Variants in NEGR1 observed in about 807,000 individuals in gnomAD.
NEGR1 encodes the protein IgLON family member 4.
NEGR1 carries 10 observed loss-of-function variants against 40.9 expected under a neutral mutation model. The ratio of observed to expected loss-of-function variants is 0.24; its 90% CI spans 0.15 to 0.42. NEGR1 has a LOEUF of 0.42. NEGR1 is among the 10% of genes least tolerant of loss of function. The pLI is 1.00. For missense variants in NEGR1, 352 were observed against 438.9 expected, an observed-to-expected ratio of 0.80 and a Z score of 1.77; for synonymous variants, 185 against 166.8, an observed-to-expected ratio of 1.11 and a Z score of -0.84.
Position 72,266,724 on chromosome 1 carries a change from A to AACACACACAC in NEGR1, c.176+15585_176+15594dup, listed in dbSNP as rs3082237. Among the ~76,000 whole-genome samples, 823 of 133,778 alleles carry AACACACACAC rather than the reference A, an allele frequency of 6.2e-3. 5 individuals are homozygous for AACACACACAC. The highest frequency in any genetic ancestry group is 0.016 in the African/African-American group (608 of 36,864). The allele number at this position is 133,778 out of a possible 152,430, so 87.8% of individuals were successfully genotyped here. A position where few individuals can be genotyped will look rare whatever the true frequency, so the allele number is the denominator to read the frequency against. The stretch of plus-strand genomic sequence containing the variant: ...GTGTGTATATATATATAGACAGATA[A>AACACACACAC]ACACACACACACACACACACACACA... On this transcript the variant is annotated intron_variant, in intron 1 of 6. Transcript: ENST00000357731.
At chr1:72,277,489 G>T (rs1656097551) in intron 1 of NEGR1, among the ~76,000 whole-genome samples, 1 of 151,770 alleles carries the variant, frequency 6.6e-6, no homozygotes, top group South Asian at 2.1e-4. Flanking sequence ...AAAAAGATCG[G>T]GCAAAATACA....
intron 1 of NEGR1, among the ~76,000 whole-genome samples, chr1:72,261,532 C>G (rs967854177): frequency 6.6e-5 from 10 of 152,140 alleles, no homozygotes; most frequent in African/African-American, 2.4e-4. Flanking sequence ...TACTGAAAGG[C>G]CTTGTAATTA....
chr1:71,807,082 G>A (rs571244572), intron 2 of NEGR1, among the ~76,000 whole-genome samples: 2 of 151,662 alleles, frequency 1.3e-5, no homozygotes, highest in Admixed American at 1.3e-4. Flanking sequence ...ATTTTTAGTA[G>A]AGACAGGGTT....
At chr1:71,961,629 A>C (rs1401587483) in intron 1 of NEGR1, among the ~76,000 whole-genome samples, 1 of 152,128 alleles carries the variant, frequency 6.6e-6, no homozygotes, top group Admixed American at 6.6e-5. Context: ...CACAATAAAA[A>C]GAGTCATGGG....
chr1:72,166,864 G>GTATA (rs534305128), intron 1 of NEGR1, among the ~76,000 whole-genome samples: 1 of 151,552 alleles, frequency 6.6e-6, no homozygotes, highest in Non-Finnish European at 1.5e-5. Flanking sequence ...TAGTATTTGT[G>GTATA]TATATATATA....
At chr1:72,163,131 A>G (rs1221722829) in intron 1 of NEGR1, among the ~76,000 whole-genome samples, 1 of 152,176 alleles carries the variant, frequency 6.6e-6, no homozygotes, top group Non-Finnish European at 1.5e-5. Flanking sequence ...GAGATTCACT[A>G]AATTGTTGCA....
intron 2 of NEGR1, among the ~76,000 whole-genome samples, chr1:71,908,550 T>C (rs1407318910): frequency 1.3e-5 from 2 of 152,004 alleles, no homozygotes; most frequent in Admixed American, 6.6e-5. Flanking sequence ...AATCAAAAGG[T>C]TGAAGAAAGG....
rs560893680 is a variant in NEGR1, at chr1:71,589,140, A to G, written c.940+3677T>C. On this transcript the variant is annotated intron_variant, in intron 6 of 6. Coordinates refer to ENST00000357731, the MANE Select transcript of NEGR1 (RefSeq NM_173808.3). ...GTAACTAACTGCCCAAATGTCAGAG[A>G]CAGTGGTTGATTTTCAGATGTTCCC... Among the ~76,000 whole-genome samples the G allele has an allele frequency of 2.6e-5, 4 of 152,256 alleles. No individual in the cohort carries two copies. In the East Asian group the frequency reaches 7.8e-4, roughly 30 times the overall value.
At chr1:72,172,612 G>A (rs188648041) in intron 1 of NEGR1, among the ~76,000 whole-genome samples, 16 of 152,204 alleles carry the variant, frequency 1.1e-4, no homozygotes, top group East Asian at 1.9e-4. Context: ...TATTGTAATC[G>A]TTTCCTGTTG....
chr1:71,664,630 T>C (rs1652177737), intron 4 of NEGR1, among the ~76,000 whole-genome samples: 1 of 152,154 alleles, frequency 6.6e-6, no homozygotes, highest in Non-Finnish European at 1.5e-5. Context: ...TTAAATTTGG[T>C]TTGAACAGAA....
chr1:71,991,209 T>G (rs901215137), intron 1 of NEGR1, among the ~76,000 whole-genome samples: 1 of 152,168 alleles, frequency 6.6e-6, no homozygotes, highest in Non-Finnish European at 1.5e-5. Flanking sequence ...CTTTTCTCTC[T>G]GAAATCTACC....
At chr1:72,156,076 C>T (rs1406229775) in intron 1 of NEGR1, among the ~76,000 whole-genome samples, 2 of 151,954 alleles carry the variant, frequency 1.3e-5, no homozygotes, top group African/African-American at 4.8e-5. Flanking sequence ...AGGCCTACAA[C>T]CTCTTACAAG....
intron 3 of NEGR1, among the ~76,000 whole-genome samples, chr1:71,737,731 T>A (rs1570277576): frequency 6.6e-6 from 1 of 152,226 alleles, no homozygotes; most frequent in Non-Finnish European, 1.5e-5. Context: ...TTTTTCAGTC[T>A]TTGTTCTTAC....
chr1:72,135,125 C>T (rs1650401817), intron 1 of NEGR1, among the ~76,000 whole-genome samples: 2 of 149,940 alleles, frequency 1.3e-5, no homozygotes, highest in Admixed American at 1.3e-4. Flanking sequence ...GCCTGTAATC[C>T]CAGCACTTTG....
At chr1:71,702,214 T>C (rs1653721693) in intron 3 of NEGR1, among the ~76,000 whole-genome samples, 1 of 152,130 alleles carries the variant, frequency 6.6e-6, no homozygotes, top group Admixed American at 6.6e-5. Flanking sequence ...TTTTCTTCCA[T>C]TTATACATTC....
Position 71,689,956 on chromosome 1 carries a change from A to G in NEGR1, c.667+8052T>C, listed in dbSNP as rs189946023. Among the ~76,000 whole-genome samples, 41 of 152,190 alleles carry G rather than the reference A, an allele frequency of 2.7e-4. No individual in the cohort carries two copies. In the East Asian group the frequency reaches 6.2e-3, roughly 23 times the overall value. ...AGATAGAGAGAATAGATAAATAAGA[A>G]AGAAATGAGTGAAGACAAGCTAGCA... On this transcript the variant is annotated intron_variant, in intron 4 of 6. Coordinates refer to ENST00000357731, the MANE Select transcript of NEGR1 (RefSeq NM_173808.3).
chr1:72,022,130 A>G (rs1044845077), intron 1 of NEGR1, among the ~76,000 whole-genome samples: 5 of 151,878 alleles, frequency 3.3e-5, no homozygotes, highest in Non-Finnish European at 7.4e-5. Context: ...GGGAGACCCC[A>G]TCTCAGAAAA....
In NEGR1 at chr1:71,972,369, G is replaced by T. The variant is rs191653085; in HGVS notation, c.177-37058C>A. Among the ~76,000 whole-genome samples, 297 of 152,138 alleles carry T rather than the reference G, an allele frequency of 2.0e-3. 2 individuals carry two copies. The highest frequency in any genetic ancestry group is 0.019 in the East Asian group (97 of 5,176). On this transcript the variant is annotated intron_variant, in intron 1 of 6. Coordinates refer to ENST00000357731, the MANE Select transcript of NEGR1 (RefSeq NM_173808.3). Reference sequence around the variant, plus strand: ...TAATATTGTGGGATGGGGGGACATAGGAGGCAATAAAAATTAATGAAAAGT... The same window carrying T: ...TAATATTGTGGGATGGGGGGACATATGAGGCAATAAAAATTAATGAAAAGT...
intron 6 of NEGR1, among the ~76,000 whole-genome samples, chr1:71,588,411 C>T (rs929030188): frequency 6.6e-6 from 1 of 152,082 alleles, no homozygotes; most frequent in Admixed American, 6.6e-5. Context: ...ATTCTCTCTG[C>T]CTTTCCTTCT....
Sources: allele counts gnomAD v4.1 joint callset (sites outside exome capture counted in the v4.1 genomes callset), GRCh38; gene constraint gnomAD v4.1.1; transcripts MANE v1.5; gene names NCBI Gene and HGNC (gene_info 2026-07-23, HGNC 2026-07-21).